The following GABRR3 variants were observed in gnomAD, a reference collection of about 807,000 sequenced individuals.
GABRR3 encodes the protein gamma-aminobutyric acid type A receptor subunit rho3.
A neutral mutation model predicts 43.2 loss-of-function variants in GABRR3; 29 were observed. That is an observed-to-expected ratio of 0.67 (90% CI 0.50 to 0.92). The LOEUF is 0.92. GABRR3 is among the 40% of genes least tolerant of loss of function. The pLI is 0.00. For synonymous variants in GABRR3, 206 were observed against 195.9 expected (o/e 1.05, Z -0.43); for missense variants, 576 against 572.3 (o/e 1.01, Z -0.07).
chr3:98,009,419 C>A (rs576718736), intron 5 of GABRR3, among the ~76,000 whole-genome samples: 46 of 152,262 alleles, frequency 3.0e-4, no homozygotes, highest in Middle Eastern at 3.4e-3. Flanking sequence ...TCTGTAGTAA[C>A]AAAGGGTTGG....
chr3:98,004,101 A>G (rs991806627), intron 7 of GABRR3, among the ~76,000 whole-genome samples: 7 of 152,170 alleles, frequency 4.6e-5, no homozygotes, highest in Non-Finnish European at 1.0e-4. Context: ...TTGGGGAGTC[A>G]GTCCCAAGAC....
intron 4 of GABRR3, among the ~76,000 whole-genome samples, chr3:98,016,821 G>C (rs991326172): frequency 2.0e-5 from 3 of 152,118 alleles, no homozygotes; most frequent in African/African-American, 7.2e-5. Context: ...TCACTTAAAT[G>C]AAAAATGTCT....
intron 4 of GABRR3, among the ~76,000 whole-genome samples, chr3:98,016,377 C>T (rs541577184): frequency 6.6e-6 from 1 of 152,122 alleles, no homozygotes; most frequent in Non-Finnish European, 1.5e-5. Context: ...TCCCCCACCC[C>T]CCATTCCTCC....
intron 8 of GABRR3, among the ~76,000 whole-genome samples, chr3:97,994,960 G>T (rs1844934): frequency 0.33 from 50,899 of 151,978 alleles, 9,138 homozygotes; most frequent in East Asian, 0.48. Flanking sequence ...TTCCCACTTA[G>T]GTGCTAACCT....
downstream of GABRR3, among the ~76,000 whole-genome samples, chr3:97,986,413 G>A (rs144220537): frequency 6.6e-6 from 1 of 152,318 alleles, no homozygotes; most frequent in African/African-American, 2.4e-5. Flanking sequence ...GAAAGAAGGA[G>A]GGTTCAGATG....
chr3:98,002,049 C>G (rs1366299680), intron 7 of GABRR3, among the ~76,000 whole-genome samples: 1 of 152,064 alleles, frequency 6.6e-6, no homozygotes, highest in Non-Finnish European at 1.5e-5. Context: ...AGATCTGTCT[C>G]CACAATATAT....
intron 3 of GABRR3, among the ~76,000 whole-genome samples, chr3:98,024,371 A>AAG (rs1480065130): frequency 6.6e-6 from 1 of 150,738 alleles, no homozygotes; most frequent in African/African-American, 2.4e-5. Flanking sequence ...CGTCTCAAAA[A>AAG]AAAAAAAAAA....
intron 8 of GABRR3, chr3:97,998,076 TAA>T (rs112911093): frequency 1.4e-5 from 2 of 147,452 alleles, no homozygotes; most frequent in Non-Finnish European, 3.0e-5. Context: ...TTAAAAATAG[TAA>T]AAAAAAAACT....
chr3:98,029,459 T>C (rs1342788847), intron 2 of GABRR3, among the ~76,000 whole-genome samples: 2 of 152,134 alleles, frequency 1.3e-5, no homozygotes, highest in Admixed American at 6.5e-5. Flanking sequence ...GATTAAAAAC[T>C]AGAACTGATT....
chr3:98,012,113 T>C (rs985685872), intron 5 of GABRR3, among the ~76,000 whole-genome samples: 9 of 152,264 alleles, frequency 5.9e-5, no homozygotes, highest in African/African-American at 2.2e-4. Flanking sequence ...CAGCTCATTC[T>C]ATTTGTCCAA....
At chr3:98,005,189 T>C (rs955776663) in intron 7 of GABRR3, among the ~76,000 whole-genome samples, 8 of 148,254 alleles carry the variant, frequency 5.4e-5, no homozygotes. Context: ...AGGTATCTAT[T>C]GTTAATCTTT....
intron 5 of GABRR3, among the ~76,000 whole-genome samples, chr3:98,012,020 C>T (rs938779424): frequency 7.2e-6 from 1 of 139,620 alleles, no homozygotes; most frequent in Non-Finnish European, 1.7e-5. Context: ...GGTGGGGTGC[C>T]AGGGTGGGGT....
At chr3:98,029,945 T>C (rs910469877) in intron 2 of GABRR3, among the ~76,000 whole-genome samples, 3 of 151,652 alleles carry the variant, frequency 2.0e-5, no homozygotes, top group Non-Finnish European at 2.9e-5. Flanking sequence ...GTAAACCCCA[T>C]CTCTACTAAA....
intron 4 of GABRR3, among the ~76,000 whole-genome samples, chr3:98,013,087 T>G (rs942775418): frequency 3.9e-5 from 6 of 152,192 alleles, no homozygotes; most frequent in African/African-American, 1.4e-4. Flanking sequence ...AAGCAAGTTG[T>G]CAGAAGTCCT....
intron 1 of GABRR3, 60 bp from the exon 2 acceptor site, chr3:98,035,049 T>A: frequency 6.4e-7 from 1 of 1,551,454 alleles, no homozygotes; most frequent in South Asian, 1.2e-5. Flanking sequence ...GTGATCACAG[T>A]TTCTTCTTCA....
At chr3:98,027,591 G>C (rs1042139915) in intron 2 of GABRR3, among the ~76,000 whole-genome samples, 1 of 152,240 alleles carries the variant, frequency 6.6e-6, no homozygotes, top group Non-Finnish European at 1.5e-5. Context: ...GGCAGCGTGC[G>C]AAAGCACCTG....
At chr3:97,992,281 A>C (rs943091030) in intron 9 of GABRR3, among the ~76,000 whole-genome samples, 6 of 152,136 alleles carry the variant, frequency 3.9e-5, no homozygotes, top group African/African-American at 1.4e-4. Flanking sequence ...CGATGGAGAG[A>C]AACATATCAT....
intron 3 of GABRR3, 46 bp from the exon 4 acceptor site, chr3:98,017,768 C>A: frequency 7.6e-7 from 1 of 1,312,430 alleles, no homozygotes; most frequent in South Asian, 1.3e-5. Context: ...GCATTATAAT[C>A]ATTTTAAAAC....
At chr3:98,011,728 A>T (rs1706794289) in intron 5 of GABRR3, among the ~76,000 whole-genome samples, 1 of 152,146 alleles carries the variant, frequency 6.6e-6, no homozygotes, top group Non-Finnish European at 1.5e-5. Context: ...GGTTTGTAGG[A>T]CATTAAAAAA....
Sources: allele counts gnomAD v4.1 joint callset (sites outside exome capture counted in the v4.1 genomes callset), GRCh38; gene constraint gnomAD v4.1.1; transcripts MANE v1.5; gene names NCBI Gene and HGNC (gene_info 2026-07-23, HGNC 2026-07-21).